HMBOX1: variants seen among roughly 807,000 people sequenced by gnomAD.
HMBOX1 encodes the protein homeobox-containing protein 1.
In HMBOX1, 14 loss-of-function variants were observed where a neutral mutation model predicts 54.5. The observed-to-expected ratio is 0.26, with a 90% CI of 0.17 to 0.40. The LOEUF is 0.40. Ranked by LOEUF, HMBOX1 falls within the 10% of genes least tolerant of loss-of-function variation. The pLI, the probability that HMBOX1 is intolerant of heterozygous loss-of-function variation, is 1.00. For missense variants in HMBOX1, 332 were observed against 514.4 expected, an observed-to-expected ratio of 0.65 and a Z score of 3.43; for synonymous variants, 160 against 181.0, an observed-to-expected ratio of 0.88 and a Z score of 0.93.
At chr8:28,955,965 A>AG (rs1428414250) in intron 1 of HMBOX1, 3 of 104,740 alleles carry the variant, frequency 2.9e-5, no homozygotes, top group Non-Finnish European at 5.9e-5. Context: ...AAAAAAAAAA[A>AG]AAAAAAAATT....
intron 1 of HMBOX1, among the ~76,000 whole-genome samples, chr8:28,908,417 A>G (rs1563364737): frequency 5.9e-5 from 9 of 152,204 alleles, no homozygotes. Flanking sequence ...ATAAACTTGA[A>G]AGTCTATTTA....
At chr8:28,957,866 G>T (rs1414108394) in intron 1 of HMBOX1, among the ~76,000 whole-genome samples, 1 of 151,880 alleles carries the variant, frequency 6.6e-6, no homozygotes, top group Non-Finnish European at 1.5e-5. Flanking sequence ...CAAGTGGTTC[G>T]CCCGCCTCAG....
At chr8:28,986,062 T>A (rs1830117976) in intron 4 of HMBOX1, among the ~76,000 whole-genome samples, 1 of 152,202 alleles carries the variant, frequency 6.6e-6, no homozygotes, top group Admixed American at 6.5e-5. Context: ...CCCAAAAACT[T>A]CTCTGTGCTT....
chr8:28,950,061 A>C (rs926616049), intron 1 of HMBOX1: 14 of 152,262 alleles, frequency 9.2e-5, no homozygotes, highest in African/African-American at 3.4e-4. Context: ...TTTATCTTCA[A>C]TTATGATTAA....
intron 4 of HMBOX1, among the ~76,000 whole-genome samples, chr8:28,999,438 T>C (rs551539184): frequency 1.3e-5 from 2 of 152,330 alleles, no homozygotes; most frequent in South Asian, 2.1e-4. Context: ...TTCATCAAAT[T>C]TGGGAAGTTT....
chr8:28,947,381 C>T (rs779015923), intron 1 of HMBOX1, among the ~76,000 whole-genome samples: 1 of 152,164 alleles, frequency 6.6e-6, no homozygotes, highest in Non-Finnish European at 1.5e-5. Context: ...TATATATTAG[C>T]ATATCCTCCT....
At chr8:28,895,765 A>T (rs565271089) in intron 1 of HMBOX1, among the ~76,000 whole-genome samples, 2 of 152,248 alleles carry the variant, frequency 1.3e-5, no homozygotes, top group Non-Finnish European at 2.9e-5. Context: ...AATTGGATGA[A>T]GTTCTCACTC....
chr8:29,003,842 A>G (rs76713589), intron 4 of HMBOX1, among the ~76,000 whole-genome samples: 2,132 of 152,122 alleles, frequency 0.014, 28 homozygotes, highest in Non-Finnish European at 0.021. Flanking sequence ...TTGAAGAAGG[A>G]AATTTCATTT....
chr8:29,022,916 T>G (rs1197937111), intron 6 of HMBOX1, among the ~76,000 whole-genome samples: 1 of 151,912 alleles, frequency 6.6e-6, no homozygotes, highest in Non-Finnish European at 1.5e-5. Flanking sequence ...ATAACTAAAA[T>G]TAAACCTGTA....
chr8:28,911,554 C>T (rs191328013), intron 1 of HMBOX1, among the ~76,000 whole-genome samples: 2 of 152,166 alleles, frequency 1.3e-5, no homozygotes, highest in East Asian at 2.0e-4. Context: ...CAGGATTTCA[C>T]CACATTGGCC....
At chr8:28,998,615 T>C (rs191347121) in intron 4 of HMBOX1, among the ~76,000 whole-genome samples, 150 of 152,208 alleles carry the variant, frequency 9.9e-4, no homozygotes, top group African/African-American at 3.5e-3. Context: ...CTTATTGGAG[T>C]TTTTAATCTA....
chr8:29,049,150 AAC>A lies in HMBOX1; in HGVS notation c.1125+104_1125+105del, dbSNP rs1806062730. 4 of 1,472,134 alleles carry A rather than the reference AAC, an allele frequency of 2.7e-6. No homozygotes were observed. In the South Asian group the frequency reaches 4.7e-5, roughly 17 times the overall value. 91.2% of individuals were successfully genotyped at this position (1,472,134 alleles called of 1,614,324 possible). ...GTGGCTGATGGGGTGGGGGAGGGGAAACAGTCACTGTCCCTCCACTCTGCTCC... is the reference window on the plus strand; with the variant it reads ...GTGGCTGATGGGGTGGGGGAGGGGAAAGTCACTGTCCCTCCACTCTGCTCC... On this transcript the variant is annotated intron_variant, in intron 9 of 9. Transcript: ENST00000287701.
At chr8:28,967,385 T>C (rs1299656460) in intron 2 of HMBOX1, among the ~76,000 whole-genome samples, 2 of 152,250 alleles carry the variant, frequency 1.3e-5, no homozygotes, top group Non-Finnish European at 2.9e-5. Context: ...TTGTTTCATA[T>C]GCTGTGAAAT....
At chr8:28,993,746 C>T (rs1831341395) in intron 4 of HMBOX1, among the ~76,000 whole-genome samples, 1 of 152,120 alleles carries the variant, frequency 6.6e-6, no homozygotes, top group Non-Finnish European at 1.5e-5. Flanking sequence ...TCAGGGGTTA[C>T]CAGTTTGTTC....
chr8:28,926,711 G>C (rs897008210), intron 1 of HMBOX1, among the ~76,000 whole-genome samples: 1 of 152,114 alleles, frequency 6.6e-6, no homozygotes, highest in African/African-American at 2.4e-5. Flanking sequence ...AGGACTACAA[G>C]TGTATACCAC....
At chr8:29,044,192 C>T (rs1805245902) in intron 6 of HMBOX1, among the ~76,000 whole-genome samples, 1 of 152,104 alleles carries the variant, frequency 6.6e-6, no homozygotes, top group Non-Finnish European at 1.5e-5. Flanking sequence ...CAGTGCTATT[C>T]ACAATAGGAT....
intron 4 of HMBOX1, among the ~76,000 whole-genome samples, chr8:28,997,659 A>C (rs1832068141): frequency 6.6e-6 from 1 of 151,992 alleles, no homozygotes; most frequent in Non-Finnish European, 1.5e-5. Flanking sequence ...TGATCCTTCC[A>C]CCTCAGCCTC....
chr8:28,969,769 A>G (rs1827072833), intron 2 of HMBOX1, among the ~76,000 whole-genome samples: 1 of 152,168 alleles, frequency 6.6e-6, no homozygotes, highest in African/African-American at 2.4e-5. Flanking sequence ...TACATAACTA[A>G]AATTTTGGTT....
intron 5 of HMBOX1, chr8:29,009,414 T>C: frequency 2.1e-6 from 2 of 970,890 alleles, no homozygotes; most frequent in Non-Finnish European, 2.4e-6. Context: ...GACACCTCTT[T>C]GCTTTCAGGT....
Sources: gnomAD v4.1 joint callset for allele counts (sites outside exome capture counted in the v4.1 genomes callset) on GRCh38, gnomAD v4.1.1 for gene constraint, MANE v1.5 for transcripts, NCBI Gene and HGNC (gene_info 2026-07-23, HGNC 2026-07-21) for gene names.